The following ATP2B1 variants were observed in gnomAD, a reference collection of about 807,000 sequenced individuals.
ATP2B1 encodes the protein ATPase plasma membrane Ca2+ transporting 1.
A neutral mutation model predicts 124.2 loss-of-function variants in ATP2B1; 14 were observed. That is an observed-to-expected ratio of 0.11 (90% CI 0.07 to 0.18). ATP2B1 has a LOEUF of 0.18. Ranked by LOEUF, ATP2B1 falls within the 10% of genes least tolerant of loss-of-function variation. The pLI is 1.00. For missense variants in ATP2B1, 763 were observed against 1,466.1 expected (o/e 0.52, Z 7.83); for synonymous variants, 449 against 492.4 (o/e 0.91, Z 1.17).
intron 18 of ATP2B1, among the ~76,000 whole-genome samples, 185 bp downstream of exon 18, chr12:89,602,858 T>C (rs1198729473): frequency 6.6e-6 from 1 of 152,230 alleles, no homozygotes; most frequent in African/African-American, 2.4e-5. Context: ...TGGCATTTAC[T>C]TCTAAGAACA....
At chr12:89,650,178 A>T (rs1015276417) in intron 2 of ATP2B1, among the ~76,000 whole-genome samples, 2 of 152,224 alleles carry the variant, frequency 1.3e-5, no homozygotes, top group Non-Finnish European at 2.9e-5. Context: ...CAGCAGCCAA[A>T]CTGACTTTTC....
intron 18 of ATP2B1, 125 bp downstream of exon 18, chr12:89,602,918 A>ATT (rs772615087): frequency 1.3e-6 from 1 of 788,630 alleles, no homozygotes; most frequent in Non-Finnish European, 2.0e-6. Context: ...TCACCATGAT[A>ATT]TTATATATGT....
chr12:89,605,396 G>A (rs1435471110), intron 15 of ATP2B1, among the ~76,000 whole-genome samples: 2 of 152,136 alleles, frequency 1.3e-5, no homozygotes, highest in Non-Finnish European at 2.9e-5. Context: ...TATTTTGGGA[G>A]TGGTTTCATT....
chr12:89,671,387 A>C (rs1229813411), intron 1 of ATP2B1, among the ~76,000 whole-genome samples: 1 of 152,234 alleles, frequency 6.6e-6, no homozygotes, highest in Non-Finnish European at 1.5e-5. Context: ...TTCTACGTTC[A>C]CAATGAGGTT....
At position 89,603,655 on chromosome 12, in the gene ATP2B1, T is replaced by TAA; in HGVS notation, c.2848+56_2848+57insTT. 2 of 1,538,036 alleles carry TAA rather than the reference T, an allele frequency of 1.3e-6. No homozygotes were observed. Among genetic ancestry groups the TAA allele is most frequent in the Non-Finnish European group, 1.8e-6 (2 of 1,114,344 alleles). On this transcript the variant is annotated intron_variant, in intron 17 of 20. Transcript: ENST00000428670. The surrounding 1 kb of genome is among the most constrained non-coding windows in gnomAD (Gnocchi z 4.3). The stretch of plus-strand genomic sequence containing the variant: ...ATTTGTAACATTATAACATCTTGGA[T>TAA]GATTAGCTTGGAAAAGAAACAATTA...
chr12:89,681,984 T>G (rs551997518), intron 1 of ATP2B1, among the ~76,000 whole-genome samples: 1 of 152,238 alleles, frequency 6.6e-6, no homozygotes, highest in East Asian at 1.9e-4. Flanking sequence ...GATGACATAA[T>G]AGTAGACCTT....
chr12:89,635,537 A>C (rs1047851030), intron 3 of ATP2B1, among the ~76,000 whole-genome samples: 7 of 152,170 alleles, frequency 4.6e-5, no homozygotes, highest in Non-Finnish European at 2.9e-5. Context: ...CAAGTTACTT[A>C]ATTTTTGAGA....
intron 1 of ATP2B1, among the ~76,000 whole-genome samples, chr12:89,697,907 G>T (rs548869067): frequency 1.3e-5 from 2 of 152,026 alleles, no homozygotes; most frequent in African/African-American, 2.4e-5. Flanking sequence ...ATGGAGTCTC[G>T]CTCTGTTGTC....
rs1877358432 is a variant in ATP2B1 at position 89,608,340 on chromosome 12, G to T, written c.2442+1597C>A. Reference sequence around the variant, plus strand: ...CGACCACCACATCCAGCTAATTTTTGTATGTTTTTTTTTAAAGTAGAGATG... The same window carrying T: ...CGACCACCACATCCAGCTAATTTTTTTATGTTTTTTTTTAAAGTAGAGATG... On this transcript the variant is annotated intron_variant, in intron 15 of 20. Coordinates refer to ENST00000428670, the MANE Select transcript of ATP2B1 (RefSeq NM_001366521.1). 2.0e-5 allele frequency among the ~76,000 whole-genome samples: 3 copies of T among 151,746 alleles called. No individual in the cohort carries two copies. In the South Asian group the frequency reaches 6.2e-4, roughly 32 times the overall value.
chr12:89,682,911 A>G (rs1889527495), intron 1 of ATP2B1, among the ~76,000 whole-genome samples: 1 of 152,220 alleles, frequency 6.6e-6, no homozygotes, highest in African/African-American at 2.4e-5. Flanking sequence ...ACAAATTTGG[A>G]GAAAATATTA....
intron 2 of ATP2B1, among the ~76,000 whole-genome samples, chr12:89,652,977 C>T (rs1323127035): frequency 6.6e-6 from 1 of 152,188 alleles, no homozygotes; most frequent in Non-Finnish European, 1.5e-5. Context: ...AAACCTCCCG[C>T]CTTGGCCTTT....
At chr12:89,631,164 A>G (rs1881808782) in intron 5 of ATP2B1, among the ~76,000 whole-genome samples, 1 of 152,168 alleles carries the variant, frequency 6.6e-6, no homozygotes, top group African/African-American at 2.4e-5. Flanking sequence ...TCAAAGCTCA[A>G]TCTACTACTC....
chr12:89,631,829 T>G (rs957538368), intron 5 of ATP2B1, among the ~76,000 whole-genome samples: 2 of 151,798 alleles, frequency 1.3e-5, no homozygotes, highest in Non-Finnish European at 2.9e-5. Flanking sequence ...TTTTTTTTTT[T>G]GTAGAGACAG....
chr12:89,651,767 A>G (rs989803055), intron 2 of ATP2B1, among the ~76,000 whole-genome samples: 7 of 152,216 alleles, frequency 4.6e-5, no homozygotes, highest in Admixed American at 3.9e-4. Flanking sequence ...CATACAATGC[A>G]GTGGTTAAAG....
In ATP2B1 at chr12:89,621,529, A is replaced by C. The variant is rs1879969172; in HGVS notation, c.1587+20T>G. The C allele has an allele frequency of 3.4e-6, 5 of 1,461,808 alleles. No homozygotes were observed. The highest frequency in any genetic ancestry group is 2.6e-5 in the South Asian group (2 of 76,696). The allele number at this position is 1,461,808 out of a possible 1,614,324, so 90.6% of individuals were successfully genotyped here. On this transcript the variant is annotated intron_variant, in intron 10 of 20. Transcript: ENST00000428670. ...ATAGATTTAAAAATTAATTTTCATA[A>C]ATTATTTCAAAAACCTTACCAATAT... is the stretch of plus-strand genomic sequence containing the variant.
chr12:89,675,105 C>T (rs1273376701), intron 1 of ATP2B1, among the ~76,000 whole-genome samples: 3 of 152,080 alleles, frequency 2.0e-5, no homozygotes, highest in African/African-American at 7.2e-5. Flanking sequence ...CAGAAGTGTC[C>T]TGTGTTTTAG....
intron 20 of ATP2B1, among the ~76,000 whole-genome samples, chr12:89,595,935 G>C (rs555383385): frequency 6.6e-6 from 1 of 152,130 alleles, no homozygotes; most frequent in South Asian, 2.1e-4. Context: ...TTACTTCCCT[G>C]AAGTATCTGC....
At chr12:89,670,354 G>C (rs1887794555) in intron 1 of ATP2B1, among the ~76,000 whole-genome samples, 1 of 137,864 alleles carries the variant, frequency 7.3e-6, no homozygotes, top group Non-Finnish European at 1.5e-5. Context: ...GATGTTATGT[G>C]CACAAAATAA....
At chr12:89,665,390 TAACA>T (rs1189743112) in intron 1 of ATP2B1, among the ~76,000 whole-genome samples, 1 of 152,204 alleles carries the variant, frequency 6.6e-6, no homozygotes, top group Non-Finnish European at 1.5e-5. Flanking sequence ...TTTAAAAGTT[TAACA>T]GAGAATCTTA....
Sources: gnomAD v4.1 joint callset for allele counts (sites outside exome capture counted in the v4.1 genomes callset) on GRCh38, gnomAD v4.1.1 for gene constraint, Gnocchi (gnomAD v3.1) non-coding constraint, MANE v1.5 for transcripts, NCBI Gene and HGNC (gene_info 2026-07-23, HGNC 2026-07-21) for gene names.